The following CHODL variants were observed in gnomAD, a reference collection of about 807,000 sequenced individuals.
The protein encoded by CHODL is transmembrane protein MT75.
Under a neutral mutation model 34.5 loss-of-function variants are expected in CHODL, and 29 were observed. The observed-to-expected ratio is 0.84, with a 90% CI of 0.63 to 1.15. The LOEUF (loss-of-function observed/expected upper bound fraction) is 1.15, where lower values mean the gene tolerates loss of function less well. Ranked by LOEUF, CHODL falls within the 50% of genes most tolerant of loss-of-function variation. CHODL has a pLI of 0.00. For synonymous variants in CHODL, 125 were observed against 116.1 expected (o/e 1.08, Z -0.49); for missense variants, 332 against 332.5 (o/e 1.00, Z 0.01).
At chr21:18,214,125 C>T (rs187336070) in intron 2 of CHODL, among the ~76,000 whole-genome samples, 149 of 152,074 alleles carry the variant, frequency 9.8e-4, no homozygotes, top group Non-Finnish European at 1.9e-3. Flanking sequence ...CTATTTCTTC[C>T]CTGTATCCAA....
At chr21:18,233,987 C>T (rs2074005858) in intron 2 of CHODL, among the ~76,000 whole-genome samples, 1 of 151,968 alleles carries the variant, frequency 6.6e-6, no homozygotes, top group Non-Finnish European at 1.5e-5. Context: ...ATTATTCACA[C>T]AATGAATCAA....
At chr21:18,265,202 C>T (rs2074439049) in intron 5 of CHODL, among the ~76,000 whole-genome samples, 1 of 147,768 alleles carries the variant, frequency 6.8e-6, no homozygotes, top group Admixed American at 6.7e-5. Flanking sequence ...TACACACACA[C>T]ACACATATAT....
intron 2 of CHODL, among the ~76,000 whole-genome samples, chr21:18,123,706 C>T (rs571285991): frequency 1.6e-4 from 24 of 152,120 alleles, no homozygotes; most frequent in Non-Finnish European, 3.2e-4. Flanking sequence ...GCCCTATGAC[C>T]TAATAACTTC....
intron 2 of CHODL, among the ~76,000 whole-genome samples, chr21:18,094,149 G>T (rs746300879): frequency 3.9e-4 from 59 of 152,032 alleles, no homozygotes; most frequent in Non-Finnish European, 7.1e-4. Context: ...ATGATAAAAG[G>T]ATCAATTCAG....
At chr21:18,002,198 G>A (rs1203648406) in intron 1 of CHODL, among the ~76,000 whole-genome samples, 1 of 152,110 alleles carries the variant, frequency 6.6e-6, no homozygotes, top group Non-Finnish European at 1.5e-5. Flanking sequence ...CTATCCACTT[G>A]TTTTATGGAC....
chr21:17,923,708 A>G (rs1025947008), intron 1 of CHODL, among the ~76,000 whole-genome samples: 4 of 152,046 alleles, frequency 2.6e-5, no homozygotes, highest in Non-Finnish European at 2.9e-5. Flanking sequence ...TGATTCGCCC[A>G]CCTCAGCCTC....
At chr21:18,022,312 A>G (rs2064135221) in intron 1 of CHODL, 1 of 152,198 alleles carries the variant, frequency 6.6e-6, no homozygotes, top group Non-Finnish European at 1.5e-5. Context: ...ATCTGCCTCC[A>G]TGGCCACATT....
intron 1 of CHODL, among the ~76,000 whole-genome samples, chr21:17,939,352 T>G (rs1312298863): frequency 6.6e-6 from 1 of 152,220 alleles, no homozygotes; most frequent in Admixed American, 6.5e-5. Flanking sequence ...GTGGTTGGTT[T>G]ATTTCATTCA....
At chr21:18,092,159 T>C (rs1479897739) in intron 2 of CHODL, among the ~76,000 whole-genome samples, 1 of 152,030 alleles carries the variant, frequency 6.6e-6, no homozygotes, top group Admixed American at 6.6e-5. Context: ...AGTGGCTCAG[T>C]AGATGGAGAA....
At chr21:18,109,238 CA>C (rs1254649116) in intron 2 of CHODL, among the ~76,000 whole-genome samples, 1 of 152,092 alleles carries the variant, frequency 6.6e-6, no homozygotes, top group Non-Finnish European at 1.5e-5. Flanking sequence ...TTGCCCACCT[CA>C]AAAGTTATGG....
At chr21:18,170,600 C>T (rs1158374624) in intron 2 of CHODL, among the ~76,000 whole-genome samples, 1 of 151,958 alleles carries the variant, frequency 6.6e-6, no homozygotes, top group Non-Finnish European at 1.5e-5. Context: ...TTACAATTAA[C>T]GTCTTAATTT....
intron 1 of CHODL, among the ~76,000 whole-genome samples, chr21:18,001,137 A>T (rs781727100): frequency 2.6e-5 from 4 of 152,240 alleles, no homozygotes; most frequent in Non-Finnish European, 5.9e-5. Context: ...GTGGGTGTGG[A>T]ACCACAGGAC....
In CHODL at chr21:18,229,935, C is replaced by G. The variant is rs569874596; in HGVS notation, c.-44-26574C>G. On this transcript the variant is annotated intron_variant, in intron 2 of 6. Coordinates refer to the CHODL transcript ENST00000400127. The stretch of plus-strand genomic sequence containing the variant: ...CCTACATTTGGCCCCAAAGCCAATA[C>G]CATGAATTTTAGATTTTCTTTCAAG... 4.1e-4 allele frequency among the ~76,000 whole-genome samples: 63 copies of G among 152,170 alleles called. No homozygotes were observed. The East Asian group carries it at 0.01, about 25-fold the overall frequency.
At chr21:18,151,190 G>A (rs566580277) in intron 2 of CHODL, among the ~76,000 whole-genome samples, 259 of 151,926 alleles carry the variant, frequency 1.7e-3, no homozygotes, top group Admixed American at 3.9e-3. Context: ...CCAGGAGGAA[G>A]ACATGCTGCA....
chr21:18,108,252 C>T (rs900703616), intron 2 of CHODL, among the ~76,000 whole-genome samples: 12 of 151,812 alleles, frequency 7.9e-5, no homozygotes, highest in Admixed American at 5.3e-4. Flanking sequence ...AGGATATGGT[C>T]CTTTAAATGC....
intron 1 of CHODL, among the ~76,000 whole-genome samples, chr21:18,252,236 C>A (rs1418421647): frequency 6.6e-6 from 1 of 151,988 alleles, no homozygotes; most frequent in Non-Finnish European, 1.5e-5. Flanking sequence ...TGTAATAGAA[C>A]CCGTTATATG....
At chr21:18,087,602 A>G (rs761779648) in intron 2 of CHODL, among the ~76,000 whole-genome samples, 2 of 152,048 alleles carry the variant, frequency 1.3e-5, no homozygotes, top group Non-Finnish European at 2.9e-5. Flanking sequence ...AGCTGCAGAC[A>G]TGTCAGCTTA....
In CHODL at chr21:18,031,113, G is replaced by A. The variant is rs554401615; in HGVS notation, c.-45+3142G>A. ...TTCATAATGGCTCTTATATGAAAAC[G>A]GAAACTCAGAATTGGTCTGGCAATA... On this transcript the variant is annotated intron_variant, in intron 2 of 6. Coordinates refer to the CHODL transcript ENST00000400127. 6.6e-5 allele frequency among the ~76,000 whole-genome samples: 10 copies of A among 152,136 alleles called. No individual in the cohort carries two copies. The South Asian group carries it at 1.0e-3, about 16-fold the overall frequency.
chr21:18,029,547 G>A (rs373125335), intron 2 of CHODL, among the ~76,000 whole-genome samples: 1 of 147,828 alleles, frequency 6.8e-6, no homozygotes, highest in Non-Finnish European at 1.5e-5. Flanking sequence ...AGGAAACTTT[G>A]TATATATTTA....
Sources: allele counts gnomAD v4.1 joint callset (sites outside exome capture counted in the v4.1 genomes callset), GRCh38; gene constraint gnomAD v4.1.1; transcripts MANE v1.5; gene names NCBI Gene and HGNC (gene_info 2026-07-23, HGNC 2026-07-21).